The following GALNT13 variants were observed in gnomAD, a reference collection of about 807,000 sequenced individuals.
GALNT13 encodes the protein UDP-GalNAc:polypeptide N-acetylgalactosaminyltransferase 13.
Under a neutral mutation model 64.2 loss-of-function variants are expected in GALNT13, and 28 were observed. That is an observed-to-expected ratio of 0.44 (90% CI 0.32 to 0.60). The LOEUF (loss-of-function observed/expected upper bound fraction) is 0.60. GALNT13 is among the 20% of genes least tolerant of loss of function. GALNT13 has a pLI of 0.05. For synonymous variants in GALNT13, 214 were observed against 224.6 expected, an observed-to-expected ratio of 0.95 and a Z score of 0.42; for missense variants, 577 against 669.8, an observed-to-expected ratio of 0.86 and a Z score of 1.53.
At chr2:154,228,922 A>C (rs1019599107) in intron 4 of GALNT13, among the ~76,000 whole-genome samples, 1 of 152,224 alleles carries the variant, frequency 6.6e-6, no homozygotes, top group East Asian at 1.9e-4. Context: ...TTCTATGTTT[A>C]TCAAATGGAA....
intron 3 of GALNT13, among the ~76,000 whole-genome samples, chr2:154,033,950 C>T (rs1013043186): frequency 6.6e-6 from 1 of 151,862 alleles, no homozygotes; most frequent in South Asian, 2.1e-4. Flanking sequence ...AAAAAACAAG[C>T]AAACAAACAA....
the GALNT13 span, among the ~76,000 whole-genome samples, chr2:153,807,939 T>C: frequency 1.3e-5 from 2 of 152,264 alleles, 1 homozygote; most frequent in East Asian, 3.9e-4. Context: ...AATTTTCATA[T>C]GATTTTGATA....
At chr2:153,221,212 C>T in the GALNT13 span, among the ~76,000 whole-genome samples, 2 of 152,080 alleles carry the variant, frequency 1.3e-5, no homozygotes, top group Admixed American at 6.6e-5. Flanking sequence ...ACCCGGGAGG[C>T]GGAGGTTGCT....
At chr2:153,835,436 C>T in the GALNT13 span, among the ~76,000 whole-genome samples, 1 of 151,552 alleles carries the variant, frequency 6.6e-6, no homozygotes, top group Non-Finnish European at 1.5e-5. Context: ...ATATTTGGTA[C>T]CAGTGATAGT....
the GALNT13 span, among the ~76,000 whole-genome samples, chr2:153,693,697 A>T: frequency 1.3e-5 from 2 of 152,238 alleles, no homozygotes; most frequent in East Asian, 3.9e-4. Flanking sequence ...AAGTGGTTAC[A>T]TTCTTGTGAG....
In GALNT13 at chr2:154,003,395, A is replaced by G. The variant is rs547233147; in HGVS notation, c.142+58756A>G. ...GCCTGCTTGGGAGACGTGGGCGTTT[A>G]CCAGCTGTGGCTTCTGTCATTTTTG... On this transcript the variant is annotated intron_variant, in intron 3 of 12. Coordinates refer to ENST00000392825, the MANE Select transcript of GALNT13 (RefSeq NM_052917.4). Among the ~76,000 whole-genome samples, 8 of 152,236 alleles carry G rather than the reference A, an allele frequency of 5.3e-5. No individual in the cohort carries two copies. The East Asian group carries it at 1.4e-3, about 26-fold the overall frequency.
At chr2:154,152,576 C>T (rs111496107) in intron 4 of GALNT13, among the ~76,000 whole-genome samples, 19 of 152,162 alleles carry the variant, frequency 1.2e-4, no homozygotes, top group African/African-American at 4.3e-4. Context: ...ACCAATCAAA[C>T]GTAGGTTTGG....
chr2:153,685,519 T>A, the GALNT13 span, among the ~76,000 whole-genome samples: 3 of 152,048 alleles, frequency 2.0e-5, no homozygotes, highest in African/African-American at 4.8e-5. Flanking sequence ...TTGTTTATTT[T>A]TTTCTTGTAA....
intron 12 of GALNT13, chr2:154,445,677 G>A (rs969845783): frequency 1.4e-4 from 53 of 388,258 alleles, no homozygotes; most frequent in Non-Finnish European, 8.8e-6. Context: ...TTTTACTGTG[G>A]AAGATAAATC....
chr2:154,043,435 T>A (rs868156054), intron 3 of GALNT13, among the ~76,000 whole-genome samples: 1 of 114,344 alleles, frequency 8.7e-6, no homozygotes. Flanking sequence ...TATATATATA[T>A]ATATATATAT....
At chr2:153,657,456 C>T in the GALNT13 span, among the ~76,000 whole-genome samples, 1 of 151,976 alleles carries the variant, frequency 6.6e-6, no homozygotes, top group Non-Finnish European at 1.5e-5. Flanking sequence ...ATTTAATCTA[C>T]AATAATCTTA....
the GALNT13 span, among the ~76,000 whole-genome samples, chr2:153,391,350 C>G: frequency 3.3e-5 from 5 of 151,984 alleles, no homozygotes; most frequent in Non-Finnish European, 5.9e-5. Flanking sequence ...TCATTCCACA[C>G]TGTAGATGGG....
At position 154,378,279 on chromosome 2, in the gene GALNT13, G is replaced by A. The variant is rs116197056; in HGVS notation, c.1157-17712G>A. Among the ~76,000 whole-genome samples, 405 of 152,196 alleles carry A rather than the reference G, an allele frequency of 2.7e-3. 1 individual carries two copies. Among genetic ancestry groups the A allele is most frequent in the African/African-American group, 9.3e-3 (386 of 41,532 alleles). ...TAAGAAGTAATCATTTATCACAAAC[G>A]TTACTGAGACTCCTTGGTTGACTAT... On this transcript the variant is annotated intron_variant, in intron 9 of 12. Transcript: ENST00000392825.
chr2:153,105,451 G>C, the GALNT13 span, among the ~76,000 whole-genome samples: 15 of 152,068 alleles, frequency 9.9e-5, no homozygotes, highest in Admixed American at 4.6e-4. Flanking sequence ...CATTCCCTTT[G>C]AAAACTGGCA....
At chr2:153,445,701 A>G in the GALNT13 span, among the ~76,000 whole-genome samples, 1 of 152,124 alleles carries the variant, frequency 6.6e-6, no homozygotes, top group Non-Finnish European at 1.5e-5. Flanking sequence ...TAATATACAA[A>G]TTCATTTAAA....
chr2:154,385,329 T>C (rs799793), intron 9 of GALNT13, among the ~76,000 whole-genome samples: 59,776 of 151,622 alleles, frequency 0.39, 12,025 homozygotes, highest in African/African-American at 0.46. Context: ...CACACTGATG[T>C]TAGGTCAGGG....
intron 3 of GALNT13, among the ~76,000 whole-genome samples, chr2:154,104,240 A>G (rs1165381729): frequency 6.6e-6 from 1 of 151,956 alleles, no homozygotes; most frequent in Non-Finnish European, 1.5e-5. Context: ...CGGGGAACCT[A>G]TCTGGCAGCA....
chr2:154,404,861 C>T (rs1699455218), intron 10 of GALNT13, among the ~76,000 whole-genome samples: 1 of 151,342 alleles, frequency 6.6e-6, no homozygotes, highest in Admixed American at 6.6e-5. Context: ...TCAAAAACTA[C>T]AGAAAAAGGT....
intron 4 of GALNT13, among the ~76,000 whole-genome samples, chr2:154,177,980 C>T (rs959711569): frequency 2.0e-5 from 3 of 152,110 alleles, no homozygotes; most frequent in African/African-American, 7.2e-5. Context: ...TCAAGTAATG[C>T]AAAAGCAAGT....
Sources: gnomAD v4.1 joint callset for allele counts (sites outside exome capture counted in the v4.1 genomes callset) on GRCh38, gnomAD v4.1.1 for gene constraint, MANE v1.5 for transcripts, NCBI Gene and HGNC (gene_info 2026-07-23, HGNC 2026-07-21) for gene names.